The following MBOAT2 variants were observed in gnomAD, a reference collection of about 807,000 sequenced individuals.
MBOAT2 encodes the protein membrane-bound glycerophospholipid O-acyltransferase 2.
In MBOAT2, 28 loss-of-function variants were observed where a neutral mutation model predicts 63.4. The observed-to-expected ratio is 0.44, with a 90% CI of 0.33 to 0.61. The LOEUF is 0.61. Among genes scored for constraint, MBOAT2 ranks in the 20% least tolerant of loss-of-function variants. MBOAT2 has a pLI of 0.03. For synonymous variants in MBOAT2, 211 were observed against 215.6 expected (o/e 0.98, Z 0.19); for missense variants, 470 against 605.8 (o/e 0.78, Z 2.35).
rs139368884 is a variant in MBOAT2 at position 8,860,622 on chromosome 2, G to A, written c.1328C>T (p.Thr443Met). ...TAAGAGTAACACTTACCTGTAAAAC[G>A]TGAGTGATGGTTTTATAGAAAGAAG... Reference protein sequence around the residue: ...FVLLSIKPSLTFYSSWYYCLH... With the variant: ...FVLLSIKPSLMFYSSWYYCLH... The change falls in exon 12 of 13, where the codon ACG becomes ATG. Residue 443 changes from threonine (T) to methionine (M), a missense_variant. Around this residue, in one of 3 missense-constraint regions of MBOAT2, gnomAD observed 90 missense variants for 84.9 expected, o/e 1.06. Coordinates refer to ENST00000305997, the MANE Select transcript of MBOAT2 (RefSeq NM_138799.4). The A allele has an allele frequency of 7.4e-6, 12 of 1,612,126 alleles. No homozygotes were observed. Among genetic ancestry groups the A allele is most frequent in the African/African-American group, 5.3e-5 (4 of 74,804 alleles).
chr2:8,946,853 GAGAGACAAC>G (rs1668455154), intron 2 of MBOAT2, among the ~76,000 whole-genome samples: 2 of 152,110 alleles, frequency 1.3e-5, no homozygotes, highest in Non-Finnish European at 2.9e-5. Context: ...CCCCATTCCG[GAGAGACAAC>G]AATTATTGAA....
intron 1 of MBOAT2, among the ~76,000 whole-genome samples, chr2:8,990,156 T>C (rs1008686422): frequency 6.6e-6 from 1 of 152,212 alleles, no homozygotes; most frequent in African/African-American, 2.4e-5. Context: ...TGGCAATCAA[T>C]AAATACTGAA....
intron 3 of MBOAT2, among the ~76,000 whole-genome samples, chr2:8,914,292 C>T (rs963031194): frequency 7.9e-5 from 12 of 151,752 alleles, no homozygotes; most frequent in African/African-American, 1.4e-4. Flanking sequence ...AAACAGAAAA[C>T]GAACAAACAA....
At chr2:8,903,575 T>G (rs1665123104) in intron 4 of MBOAT2, among the ~76,000 whole-genome samples, 1 of 152,218 alleles carries the variant, frequency 6.6e-6, no homozygotes, top group African/African-American at 2.4e-5. Context: ...CTGTTCTCGC[T>G]TCCATCTACA....
At chr2:8,912,482 G>C (rs959450421) in intron 3 of MBOAT2, among the ~76,000 whole-genome samples, 1 of 152,052 alleles carries the variant, frequency 6.6e-6, no homozygotes, top group Non-Finnish European at 1.5e-5. Flanking sequence ...ATTGATAAAA[G>C]AATTCAGCAA....
chr2:8,872,831 T>C (rs1202639139), intron 8 of MBOAT2, among the ~76,000 whole-genome samples: 2 of 152,236 alleles, frequency 1.3e-5, no homozygotes, highest in African/African-American at 4.8e-5. Flanking sequence ...CTCGTATCTA[T>C]CCTGGCTAGC....
intron 3 of MBOAT2, among the ~76,000 whole-genome samples, chr2:8,923,081 T>C (rs1252357256): frequency 2.0e-5 from 3 of 152,244 alleles, no homozygotes; most frequent in African/African-American, 7.2e-5. Flanking sequence ...TAGTCCTTTC[T>C]TGAACTGATC....
chr2:8,933,159 A>G (rs377366893), intron 3 of MBOAT2, among the ~76,000 whole-genome samples: 18 of 152,296 alleles, frequency 1.2e-4, no homozygotes, highest in Admixed American at 4.6e-4. Flanking sequence ...GGCAAGGATT[A>G]GGATCTTGGT....
chr2:8,949,343 T>C (rs1225958817), intron 2 of MBOAT2, among the ~76,000 whole-genome samples: 1 of 152,220 alleles, frequency 6.6e-6, no homozygotes, highest in Admixed American at 6.5e-5. Context: ...TCTAATTAGG[T>C]TCCACTTGTC....
chr2:8,858,067 T>C lies in MBOAT2; in HGVS notation c.*612A>G, dbSNP rs937312756. ...CTACCTATAATTTGGCGTCCATTAC[T>C]GTTTACAGTTTCACTATGGATTGTA... On this transcript the variant is annotated 3_prime_UTR_variant, in exon 13 of 13. Transcript: ENST00000305997. The C allele has an allele frequency of 1.3e-5, 2 of 152,698 alleles. No homozygotes were observed. Among genetic ancestry groups the C allele is most frequent in the African/African-American group, 4.8e-5 (2 of 41,470 alleles). 9.5% of individuals were successfully genotyped at this position (152,698 alleles called of 1,614,324 possible).
chr2:8,933,502 T>C (rs1667460356), intron 3 of MBOAT2, among the ~76,000 whole-genome samples: 2 of 152,120 alleles, frequency 1.3e-5, no homozygotes, highest in Non-Finnish European at 2.9e-5. Flanking sequence ...TCACCAAATC[T>C]GGCTAAGTTA....
intron 1 of MBOAT2, among the ~76,000 whole-genome samples, chr2:8,960,935 C>T (rs1052299756): frequency 3.9e-5 from 6 of 152,148 alleles, no homozygotes; most frequent in African/African-American, 7.2e-5. Flanking sequence ...GACATGAAAG[C>T]GCAAACGCAC....
At chr2:8,955,592 A>C (rs1350855489) in intron 2 of MBOAT2, among the ~76,000 whole-genome samples, 1 of 152,226 alleles carries the variant, frequency 6.6e-6, no homozygotes, top group East Asian at 1.9e-4. Context: ...GCTGAGGAAC[A>C]CTGAAAGTCT....
chr2:8,933,731 G>A (rs768025827), intron 3 of MBOAT2, among the ~76,000 whole-genome samples: 3 of 152,134 alleles, frequency 2.0e-5, no homozygotes, highest in Admixed American at 6.5e-5. Flanking sequence ...CCCATTCTAT[G>A]AGCAATCTAC....
rs564220694 is a variant in MBOAT2, at chr2:8,902,750, C to T, written c.395+5871G>A. On this transcript the variant is annotated intron_variant, in intron 4 of 12. Coordinates refer to ENST00000305997, the MANE Select transcript of MBOAT2 (RefSeq NM_138799.4). ...TCAGGAGTAAAGCTGCAGACCTTCA[C>T]GGTGAGTGTTAACAGCTCATAAAGG... 9.9e-5 allele frequency among the ~76,000 whole-genome samples: 15 copies of T among 152,278 alleles called. No homozygotes were observed. In the South Asian group the frequency reaches 2.3e-3, roughly 23 times the overall value.
intron 3 of MBOAT2, among the ~76,000 whole-genome samples, chr2:8,909,209 T>G (rs1218909972): frequency 6.6e-6 from 1 of 152,198 alleles, no homozygotes; most frequent in Non-Finnish European, 1.5e-5. Context: ...TTCTATAAAC[T>G]TAAGATGCTT....
chr2:8,866,957 T>C (rs568027640), intron 9 of MBOAT2, among the ~76,000 whole-genome samples: 286 of 152,358 alleles, frequency 1.9e-3, no homozygotes, highest in African/African-American at 6.4e-3. Context: ...ATATTAGGGC[T>C]CATCAGAGGA....
At chr2:8,942,794 A>G (rs796450590) in intron 3 of MBOAT2, among the ~76,000 whole-genome samples, 33 of 152,306 alleles carry the variant, frequency 2.2e-4, no homozygotes, top group African/African-American at 7.9e-4. Context: ...CTCCACTGCT[A>G]TCACCTACAG....
chr2:8,866,107 T>A (rs1008445278), intron 9 of MBOAT2, among the ~76,000 whole-genome samples: 28 of 152,304 alleles, frequency 1.8e-4, no homozygotes, highest in African/African-American at 6.7e-4. Context: ...TTACTTGGTA[T>A]CTCAGTGGCA....
Sources: gnomAD v4.1 joint callset for allele counts (sites outside exome capture counted in the v4.1 genomes callset) on GRCh38, gnomAD v4.1.1 for gene constraint, gnomAD v4.1.1 regional missense constraint, MANE v1.5 for transcripts, NCBI Gene and HGNC (gene_info 2026-07-23, HGNC 2026-07-21) for gene names.